KLHDC10: variants seen among roughly 807,000 people sequenced by gnomAD.
KLHDC10 encodes kelch domain-containing protein 10.
In KLHDC10, 24 loss-of-function variants were observed where a neutral mutation model predicts 56.1. The ratio of observed to expected loss-of-function variants is 0.43; its 90% CI spans 0.31 to 0.60. KLHDC10 has a LOEUF of 0.60. Among genes scored for constraint, KLHDC10 ranks in the 20% least tolerant of loss-of-function variants. The pLI, the probability that KLHDC10 is intolerant of heterozygous loss-of-function variation, is 0.11. For synonymous variants in KLHDC10, 188 were observed against 207.1 expected, an observed-to-expected ratio of 0.91 and a Z score of 0.79; for missense variants, 349 against 567.0, an observed-to-expected ratio of 0.62 and a Z score of 3.91.
chr7:130,104,002 C>T (rs777470085), intron 2 of KLHDC10, among the ~76,000 whole-genome samples: 1 of 151,916 alleles, frequency 6.6e-6, no homozygotes, highest in Non-Finnish European at 1.5e-5. Context: ...GCAGGAGAAT[C>T]GCTTAAACCC....
chr7:130,110,679 G>C (rs1043992227), intron 2 of KLHDC10, among the ~76,000 whole-genome samples: 1 of 152,190 alleles, frequency 6.6e-6, no homozygotes, highest in African/African-American at 2.4e-5. Context: ...CCTGTCTTTT[G>C]TGGTAGAGGT....
At chr7:130,111,092 G>A (rs778484680) in intron 2 of KLHDC10, among the ~76,000 whole-genome samples, 83 of 152,122 alleles carry the variant, frequency 5.5e-4, no homozygotes, top group Non-Finnish European at 8.8e-5. Context: ...TTTCAAATAA[G>A]TATAGGAGGG....
intron 1 of KLHDC10, among the ~76,000 whole-genome samples, chr7:130,091,670 C>A (rs1795775004): frequency 6.6e-6 from 1 of 152,100 alleles, no homozygotes; most frequent in Non-Finnish European, 1.5e-5. Context: ...GCCTCCCTTC[C>A]TACCCTTATA....
At position 130,085,060 on chromosome 7, in the gene KLHDC10, C is replaced by T. The variant is rs539314555; in HGVS notation, c.167-11861C>T. 1.3e-3 allele frequency among the ~76,000 whole-genome samples: 190 copies of T among 151,950 alleles called. 1 individual carries two copies. The highest frequency in any genetic ancestry group is 4.3e-3 in the African/African-American group (177 of 41,478). On this transcript the variant is annotated intron_variant, in intron 1 of 9. Coordinates refer to ENST00000335420, the MANE Select transcript of KLHDC10 (RefSeq NM_014997.4). ...ACTGGATGAGTTCACCAAAGAATAT[C>T]TTTAGCCAGGTGCGGTGGCTCATGC...
intron 1 of KLHDC10, among the ~76,000 whole-genome samples, chr7:130,085,686 A>T (rs962428924): frequency 4.2e-5 from 6 of 143,592 alleles, no homozygotes; most frequent in Admixed American, 1.4e-4. Context: ...AATACAAAAA[A>T]CGCCGGGCGT....
At position 130,070,837 on chromosome 7, in the gene KLHDC10, C is replaced by T. The variant is rs776592636; in HGVS notation, c.166+28C>T. ...GAGTCGTGGGACAGGGTCCTGACCG[C>T]TTGCGGGCGGGAAGGTGACTGCTAC... On this transcript the variant is annotated intron_variant, in intron 1 of 9. Coordinates refer to ENST00000335420, the MANE Select transcript of KLHDC10 (RefSeq NM_014997.4). The T allele has an allele frequency of 4.6e-6, 6 of 1,295,462 alleles. No homozygotes were observed. The East Asian group carries it at 1.1e-4, about 24-fold the overall frequency. 80.2% of individuals were successfully genotyped at this position (1,295,462 alleles called of 1,614,324 possible). A position where few individuals can be genotyped will look rare whatever the true frequency, so the allele number is the denominator to read the frequency against.
intron 2 of KLHDC10, among the ~76,000 whole-genome samples, chr7:130,114,282 C>A (rs865924219): frequency 1.3e-5 from 2 of 152,154 alleles, no homozygotes; most frequent in Non-Finnish European, 2.9e-5. Flanking sequence ...TAAATTGATT[C>A]CCGTTTCATT....
intron 8 of KLHDC10, among the ~76,000 whole-genome samples, chr7:130,128,650 C>G (rs1274717555): frequency 6.6e-6 from 1 of 151,726 alleles, no homozygotes; most frequent in Non-Finnish European, 1.5e-5. Flanking sequence ...TCTCTGCGAG[C>G]AGATAAATGT....
intron 2 of KLHDC10, among the ~76,000 whole-genome samples, chr7:130,115,081 TA>T (rs1796149524): frequency 6.6e-6 from 1 of 152,196 alleles, no homozygotes; most frequent in Non-Finnish European, 1.5e-5. Context: ...TTTAAAAATA[TA>T]ACCTTAGAAA....
At chr7:130,113,152 G>T (rs931697371) in intron 2 of KLHDC10, among the ~76,000 whole-genome samples, 1 of 152,048 alleles carries the variant, frequency 6.6e-6, no homozygotes, top group Non-Finnish European at 1.5e-5. Context: ...GCACAGTTCA[G>T]TTTGGACCAC....
chr7:130,080,158 T>A (rs1263875285), intron 1 of KLHDC10, among the ~76,000 whole-genome samples: 3 of 152,116 alleles, frequency 2.0e-5, no homozygotes, highest in Non-Finnish European at 4.4e-5. Context: ...CCTAGGCTGG[T>A]TGCAAACTCC....
intron 2 of KLHDC10, among the ~76,000 whole-genome samples, chr7:130,107,886 C>G (rs1404067058): frequency 7.1e-6 from 1 of 140,958 alleles, no homozygotes; most frequent in African/African-American, 2.7e-5. Flanking sequence ...CGCGGTGGCC[C>G]GTACCGTAGT....
At chr7:130,128,871 CTCT>C (rs1796348292) in intron 8 of KLHDC10, among the ~76,000 whole-genome samples, 1 of 41,308 alleles carries the variant, frequency 2.4e-5, no homozygotes, top group Non-Finnish European at 4.0e-5. Flanking sequence ...GAGACCTTGT[CTCT>C]TAAAAAAAAA....
intron 2 of KLHDC10, among the ~76,000 whole-genome samples, chr7:130,103,269 C>G (rs1563101589): frequency 6.6e-6 from 1 of 151,840 alleles, no homozygotes; most frequent in African/African-American, 2.4e-5. Context: ...GCTAAAAATA[C>G]AAAAAAATTA....
At chr7:130,105,807 A>G (rs759888672) in intron 2 of KLHDC10, among the ~76,000 whole-genome samples, 11 of 152,134 alleles carry the variant, frequency 7.2e-5, no homozygotes, top group Non-Finnish European at 1.6e-4. Context: ...TTTATGCAGT[A>G]TTGTGTTTCT....
chr7:130,074,466 A>G (rs1795469023), intron 1 of KLHDC10, among the ~76,000 whole-genome samples: 1 of 152,164 alleles, frequency 6.6e-6, no homozygotes, highest in Non-Finnish European at 1.5e-5. Flanking sequence ...ATGCGTATAT[A>G]TATGCCATAT....
chr7:130,110,769 G>A (rs1796089257), intron 2 of KLHDC10, among the ~76,000 whole-genome samples: 2 of 152,076 alleles, frequency 1.3e-5, no homozygotes, highest in South Asian at 4.1e-4. Flanking sequence ...TATAACTAAT[G>A]AATACTTTTA....
rs1417083891 is a variant in KLHDC10 at position 130,070,621 on chromosome 7, G to A, written c.-23G>A. ...CTGGGTCAGGCGCTGACGGGACCGG[G>A]CTGCGGCAATCGTTAGCGGGTCATG... On this transcript the variant is annotated 5_prime_UTR_variant, in exon 1 of 10. Coordinates refer to ENST00000335420, the MANE Select transcript of KLHDC10 (RefSeq NM_014997.4). 30 of 1,315,034 alleles carry A rather than the reference G, an allele frequency of 2.3e-5. No individual in the cohort carries two copies. The highest frequency in any genetic ancestry group is 2.9e-5 in the Non-Finnish European group (30 of 1,027,266). 81.5% of individuals were successfully genotyped at this position (1,315,034 alleles called of 1,614,324 possible).
intron 1 of KLHDC10, among the ~76,000 whole-genome samples, chr7:130,071,132 C>T (rs563928222): frequency 1.5e-4 from 23 of 152,300 alleles, no homozygotes; most frequent in Non-Finnish European, 3.2e-4. Flanking sequence ...GCAGTTTGAT[C>T]TTGTAAATGA....
Sources: gnomAD v4.1 joint callset for allele counts (sites outside exome capture counted in the v4.1 genomes callset) on GRCh38, gnomAD v4.1.1 for gene constraint, MANE v1.5 for transcripts, NCBI Gene and HGNC (gene_info 2026-07-23, HGNC 2026-07-21) for gene names.